Variants in CATSPERQ observed in about 807,000 individuals in gnomAD.
CATSPERQ encodes the protein cation channel sperm-associated auxiliary subunit theta.
chr8:144,353,574 C>G, the CATSPERQ span: 1 of 1,495,902 alleles, frequency 6.7e-7, no homozygotes, highest in South Asian at 1.3e-5. Flanking sequence ...AGGACAGACC[C>G]GAGTCGCCGT....
the CATSPERQ span, chr8:144,354,617 C>A: frequency 8.4e-5 from 129 of 1,528,404 alleles, no homozygotes; most frequent in Non-Finnish European, 1.1e-4. The surrounding 1 kb of genome is among the most constrained non-coding windows in gnomAD (Gnocchi z 4.6). Context: ...TCGCGCGCAC[C>A]GTTTGGCTCC....
chr8:144,354,802 G>C, the CATSPERQ span: 7 of 1,523,158 alleles, frequency 4.6e-6, no homozygotes, highest in African/African-American at 6.9e-5. This position sits in a 1 kb window ranked among gnomAD's most constrained non-coding sequence, Gnocchi z 4.6. Flanking sequence ...CTGGCCGCTC[G>C]TCCGCTGCCG....
chr8:144,354,563 C>CCCCCCCCCCCAA, the CATSPERQ span: 1 of 710,140 alleles, frequency 1.4e-6, no homozygotes, highest in Non-Finnish European at 2.2e-6. This position sits in a 1 kb window ranked among gnomAD's most constrained non-coding sequence, Gnocchi z 4.6. Flanking sequence ...CCTCCTCCCC[C>CCCCCCCCCCCAA]GCCCCGCCCT....
the CATSPERQ span, chr8:144,353,542 G>A: frequency 2.6e-6 from 4 of 1,528,450 alleles, no homozygotes; most frequent in Non-Finnish European, 8.8e-7. Flanking sequence ...GGGAGCAGGT[G>A]GCGCTCAACT....
chr8:144,354,497 C>T, the CATSPERQ span: 2 of 1,380,996 alleles, frequency 1.4e-6, no homozygotes, highest in Non-Finnish European at 1.9e-6. This position sits in a 1 kb window ranked among gnomAD's most constrained non-coding sequence, Gnocchi z 4.6. Context: ...CACCCAGGGC[C>T]CTGGCCCTGC....
At chr8:144,353,376 C>A in the CATSPERQ span, 3 of 1,534,874 alleles carry the variant, frequency 2.0e-6, no homozygotes, top group Non-Finnish European at 2.6e-6. Context: ...CTGAGAGGAG[C>A]TGGGCTTGTG....
At chr8:144,354,553 C>CCACCCA in the CATSPERQ span, 1 of 920,114 alleles carries the variant, frequency 1.1e-6, no homozygotes, top group African/African-American at 1.7e-5. This position sits in a 1 kb window ranked among gnomAD's most constrained non-coding sequence, Gnocchi z 4.6. Context: ...GGCCCGTCTC[C>CCACCCA]CTCCTCCCCC....
chr8:144,354,574 T>TACC, the CATSPERQ span: 3 of 322,962 alleles, frequency 9.3e-6, no homozygotes, highest in Non-Finnish European at 1.6e-5. This position sits in a 1 kb window ranked among gnomAD's most constrained non-coding sequence, Gnocchi z 4.6. Context: ...GCCCCGCCCT[T>TACC]CCCAGCCCCG....
the CATSPERQ span, chr8:144,354,803 T>TCCGCTGCCGCCGC: frequency 6.6e-7 from 1 of 1,523,160 alleles, no homozygotes; most frequent in African/African-American, 1.4e-5. The surrounding 1 kb of genome is among the most constrained non-coding windows in gnomAD (Gnocchi z 4.6). Context: ...TGGCCGCTCG[T>TCCGCTGCCGCCGC]CCGCTGCCGC....
At chr8:144,353,594 T>C in the CATSPERQ span, 1 of 1,477,596 alleles carries the variant, frequency 6.8e-7, no homozygotes, top group African/African-American at 1.4e-5. Context: ...TCCAGGCGTC[T>C]CCTTCCCCTA....
chr8:144,353,423 A>C, the CATSPERQ span: 2 of 1,535,924 alleles, frequency 1.3e-6, no homozygotes, highest in Non-Finnish European at 1.7e-6. Context: ...TGCCAGCGCC[A>C]GGGGGTGGCC....
chr8:144,353,967 C>T, the CATSPERQ span: 3 of 1,533,088 alleles, frequency 2.0e-6, no homozygotes, highest in Non-Finnish European at 2.6e-6. Flanking sequence ...CGGAGCTGAG[C>T]GCCAGGCGCA....
the CATSPERQ span, chr8:144,353,691 C>T: frequency 2.7e-6 from 4 of 1,496,410 alleles, no homozygotes; most frequent in Non-Finnish European, 3.6e-6. Flanking sequence ...TTACCCTCTG[C>T]GTGCGGAAAC....
At chr8:144,354,734 TCGTGGGCAGGCTGC>T in the CATSPERQ span, 1 of 1,535,154 alleles carries the variant, frequency 6.5e-7, no homozygotes. This position sits in a 1 kb window ranked among gnomAD's most constrained non-coding sequence, Gnocchi z 4.6. Context: ...CCGATGGAGG[TCGTGGGCAGGCTGC>T]CGGCCCGGCC....
chr8:144,354,556 C>CCA, the CATSPERQ span: 11 of 708,206 alleles, frequency 1.6e-5, no homozygotes, highest in East Asian at 3.2e-5. The surrounding 1 kb of genome is among the most constrained non-coding windows in gnomAD (Gnocchi z 4.6). Flanking sequence ...CCGTCTCCCT[C>CCA]CTCCCCCGCC....
chr8:144,353,817 C>T, the CATSPERQ span: 1 of 1,535,430 alleles, frequency 6.5e-7, no homozygotes, highest in Non-Finnish European at 8.7e-7. Context: ...CCAGGGGCTC[C>T]AACCTGTGGC....
the CATSPERQ span, chr8:144,354,611 G>A: frequency 5.8e-6 from 8 of 1,370,668 alleles, no homozygotes; most frequent in Non-Finnish European, 7.6e-6. The surrounding 1 kb of genome is among the most constrained non-coding windows in gnomAD (Gnocchi z 4.6). Context: ...CCAGCCTCGC[G>A]CGCACCGTTT....
the CATSPERQ span, chr8:144,354,327 G>A: frequency 6.5e-7 from 1 of 1,533,314 alleles, no homozygotes; most frequent in Non-Finnish European, 8.7e-7. The surrounding 1 kb of genome is among the most constrained non-coding windows in gnomAD (Gnocchi z 4.6). Context: ...ATTCGAGCAC[G>A]AAGACTGGGG....
chr8:144,354,743 G>A, the CATSPERQ span: 1 of 1,535,526 alleles, frequency 6.5e-7, no homozygotes. The surrounding 1 kb of genome is among the most constrained non-coding windows in gnomAD (Gnocchi z 4.6). Flanking sequence ...GTCGTGGGCA[G>A]GCTGCCGGCC....
Sources: gnomAD v4.1 joint callset for allele counts on GRCh38, gnomAD v4.1.1 for gene constraint, Gnocchi (gnomAD v3.1) non-coding constraint, MANE v1.5 for transcripts, NCBI Gene and HGNC (gene_info 2026-07-23, HGNC 2026-07-21) for gene names.